KCTD8: variants seen among roughly 807,000 people sequenced by gnomAD.
KCTD8 encodes BTB/POZ domain-containing protein KCTD8.
Under a neutral mutation model 31.5 loss-of-function variants are expected in KCTD8, and 27 were observed. The observed-to-expected ratio is 0.86, with a 90% confidence interval of 0.63 to 1.18. KCTD8 has a LOEUF of 1.18. KCTD8 is among the 50% of genes most tolerant of loss of function. KCTD8 has a pLI of 0.00. For missense variants in KCTD8, 658 were observed against 647.7 expected (o/e 1.02, Z -0.17); for synonymous variants, 290 against 280.0 (o/e 1.04, Z -0.36).
intron 1 of KCTD8, among the ~76,000 whole-genome samples, chr4:44,375,833 G>A (rs1719903365): frequency 6.6e-6 from 1 of 152,072 alleles, no homozygotes; most frequent in Non-Finnish European, 1.5e-5. Flanking sequence ...TTTACTTTAA[G>A]GGATTATACC....
At chr4:44,356,835 T>C (rs1719355578) in intron 1 of KCTD8, among the ~76,000 whole-genome samples, 1 of 152,186 alleles carries the variant, frequency 6.6e-6, no homozygotes, top group Admixed American at 6.5e-5. Flanking sequence ...ATTCCATTTC[T>C]GTCTCAGACA....
At chr4:44,315,993 A>G (rs1052555808) in intron 1 of KCTD8, among the ~76,000 whole-genome samples, 3 of 152,122 alleles carry the variant, frequency 2.0e-5, no homozygotes, top group Non-Finnish European at 4.4e-5. Flanking sequence ...CTACCCATGT[A>G]TACAGTACAT....
At chr4:44,193,918 T>C (rs1174044956) in intron 1 of KCTD8, among the ~76,000 whole-genome samples, 1 of 152,114 alleles carries the variant, frequency 6.6e-6, no homozygotes, top group South Asian at 2.1e-4. Flanking sequence ...GAAAATTATA[T>C]ATTTAAAATG....
chr4:44,355,805 T>C (rs940731812), intron 1 of KCTD8, among the ~76,000 whole-genome samples: 2 of 152,150 alleles, frequency 1.3e-5, no homozygotes, highest in African/African-American at 4.8e-5. Flanking sequence ...TTTTATAATA[T>C]CAAACGCAAA....
chr4:44,378,533 A>C (rs970834778), intron 1 of KCTD8, among the ~76,000 whole-genome samples: 1 of 152,042 alleles, frequency 6.6e-6, no homozygotes, highest in African/African-American at 2.4e-5. Context: ...TGAATGTATC[A>C]CCTATCATAT....
chr4:44,308,067 C>T (rs1367784916), intron 1 of KCTD8, among the ~76,000 whole-genome samples: 1 of 151,940 alleles, frequency 6.6e-6, no homozygotes, highest in African/African-American at 2.4e-5. Context: ...AACTATGTTA[C>T]TACTATATAG....
At chr4:44,230,113 C>G (rs998545155) in intron 1 of KCTD8, among the ~76,000 whole-genome samples, 3 of 152,140 alleles carry the variant, frequency 2.0e-5, no homozygotes, top group African/African-American at 7.2e-5. Context: ...CAGTCAAATT[C>G]TTTCTTTTGA....
intron 1 of KCTD8, among the ~76,000 whole-genome samples, chr4:44,366,030 C>T (rs1194932950): frequency 2.0e-5 from 3 of 152,070 alleles, no homozygotes; most frequent in Non-Finnish European, 4.4e-5. Context: ...TACAATATGA[C>T]ATGATTTATA....
intron 1 of KCTD8, among the ~76,000 whole-genome samples, chr4:44,231,576 T>G (rs1427738835): frequency 1.3e-5 from 2 of 152,192 alleles, no homozygotes; most frequent in East Asian, 3.8e-4. Flanking sequence ...CAAAATGGAA[T>G]GTTGTCTTTG....
chr4:44,414,160 A>G (rs902589107), intron 1 of KCTD8, among the ~76,000 whole-genome samples: 1 of 152,078 alleles, frequency 6.6e-6, no homozygotes, highest in African/African-American at 2.4e-5. Flanking sequence ...TGTTTATAGC[A>G]GCAATAAGAA....
At chr4:44,266,899 C>T (rs1243466666) in intron 1 of KCTD8, among the ~76,000 whole-genome samples, 2 of 151,394 alleles carry the variant, frequency 1.3e-5, no homozygotes, top group East Asian at 3.9e-4. Context: ...TAAAGCAAGT[C>T]CTGAGTGACC....
At chr4:44,309,038 GTTTA>G (rs916838653) in intron 1 of KCTD8, among the ~76,000 whole-genome samples, 8 of 151,926 alleles carry the variant, frequency 5.3e-5, no homozygotes, top group African/African-American at 1.4e-4. Flanking sequence ...TCAAACTGAC[GTTTA>G]TTTATTTATT....
chr4:44,240,487 C>T (rs574800576), intron 1 of KCTD8, among the ~76,000 whole-genome samples: 11 of 152,118 alleles, frequency 7.2e-5, no homozygotes, highest in East Asian at 1.9e-4. Flanking sequence ...TTAGTAGTCC[C>T]GGGATTTTAT....
At chr4:44,272,121 T>TATATATATATATATATATATATA (rs1716629513) in intron 1 of KCTD8, among the ~76,000 whole-genome samples, 48 of 142,538 alleles carry the variant, frequency 3.4e-4, no homozygotes, top group African/African-American at 1.3e-3. Context: ...TGGTATTATA[T>TATATATATATATATATATATATA]TATATATATA....
intron 1 of KCTD8, among the ~76,000 whole-genome samples, chr4:44,285,592 C>A (rs1440720183): frequency 6.6e-6 from 1 of 152,128 alleles, no homozygotes; most frequent in African/African-American, 2.4e-5. Context: ...TCACATTCTG[C>A]ACATGTAACC....
chr4:44,324,783 T>C (rs930311236), intron 1 of KCTD8, among the ~76,000 whole-genome samples: 7 of 151,990 alleles, frequency 4.6e-5, no homozygotes, highest in African/African-American at 7.3e-5. Context: ...TATAAGACTT[T>C]TTAAATGTCT....
chr4:44,317,497 C>A (rs1718171557), intron 1 of KCTD8, among the ~76,000 whole-genome samples: 5 of 140,820 alleles, frequency 3.6e-5, no homozygotes, highest in African/African-American at 1.6e-4. Flanking sequence ...CCTCGGCCTC[C>A]CAAAGTGCTG....
chr4:44,354,780 T>A (rs553171487), intron 1 of KCTD8, among the ~76,000 whole-genome samples: 7 of 152,070 alleles, frequency 4.6e-5, no homozygotes, highest in Non-Finnish European at 1.0e-4. Context: ...ACTTAACATA[T>A]CCTTACAGTA....
At chr4:44,224,238 A>C (rs546307951) in intron 1 of KCTD8, among the ~76,000 whole-genome samples, 1 of 152,340 alleles carries the variant, frequency 6.6e-6, no homozygotes, top group East Asian at 1.9e-4. Flanking sequence ...TGGTACTCAA[A>C]AGCCTCCATT....
Sources: allele counts gnomAD v4.1 joint callset (sites outside exome capture counted in the v4.1 genomes callset), GRCh38; gene constraint gnomAD v4.1.1; transcripts MANE v1.5; gene names NCBI Gene and HGNC (gene_info 2026-07-23, HGNC 2026-07-21).